NLRP5: variants seen among roughly 807,000 people sequenced by gnomAD.
NLRP5 encodes NLR family pyrin domain containing 5.
NLRP5 carries 93 observed loss-of-function variants against 113.1 expected under a neutral mutation model. That is an observed-to-expected ratio of 0.82 (90% CI 0.70 to 0.98). The LOEUF is 0.98. NLRP5 is among the 50% of genes least tolerant of loss of function. The pLI, the probability that NLRP5 is intolerant of heterozygous loss-of-function variation, is 0.00. For missense variants in NLRP5, 1,808 were observed against 1,514.3 expected, an observed-to-expected ratio of 1.19 and a Z score of -3.22; for synonymous variants, 751 against 600.7, an observed-to-expected ratio of 1.25 and a Z score of -3.66.
chr19:56,005,420 T>C (rs1981851428), intron 2 of NLRP5, among the ~76,000 whole-genome samples: 1 of 148,964 alleles, frequency 6.7e-6, no homozygotes, highest in Non-Finnish European at 1.5e-5. Flanking sequence ...TATATTTTTA[T>C]ATATACACAT....
intron 1 of NLRP5, among the ~76,000 whole-genome samples, chr19:56,002,098 C>T (rs1981677115): frequency 6.6e-6 from 1 of 152,116 alleles, no homozygotes; most frequent in Non-Finnish European, 1.5e-5. Flanking sequence ...TAGCAGAGGT[C>T]CTGGACGTGC....
At chr19:55,995,075 T>G (rs1213682885), upstream of NLRP5, among the ~76,000 whole-genome samples, 1 of 152,128 alleles carries the variant, frequency 6.6e-6, no homozygotes, top group Non-Finnish European at 1.5e-5. Context: ...TGGATGAAGC[T>G]GGAAACTATC....
chr19:56,038,213 T>G lies in NLRP5; in HGVS notation c.2786+18T>G, dbSNP rs1211779784. 1 of 1,581,716 alleles carries G rather than the reference T, an allele frequency of 6.3e-7. No individual in the cohort carries two copies. The highest frequency in any genetic ancestry group is 8.7e-7 in the Non-Finnish European group (1 of 1,155,884). ...AAGCTGATGTGAGTGCCACTTCCTT[T>G]CCACCAGGATTATCGTAACTTCCAC... On this transcript the variant is annotated intron_variant, in intron 10 of 14. Coordinates refer to ENST00000390649, the MANE Select transcript of NLRP5 (RefSeq NM_153447.4).
upstream of NLRP5, among the ~76,000 whole-genome samples, chr19:55,996,652 C>T (rs138073664): frequency 7.1e-3 from 1,088 of 152,254 alleles, 6 homozygotes; most frequent in Admixed American, 0.014. Context: ...CATGTCCCTA[C>T]AAGGACATGA....
At chr19:56,055,778 C>A (rs1380117063) in intron 13 of NLRP5, among the ~76,000 whole-genome samples, 1 of 151,874 alleles carries the variant, frequency 6.6e-6, no homozygotes, top group Non-Finnish European at 1.5e-5. Flanking sequence ...ATCTCCTGAC[C>A]TCATGATCTG....
intron 4 of NLRP5, chr19:56,018,597 C>T (rs560316087): frequency 1.1e-4 from 17 of 152,132 alleles, no homozygotes; most frequent in African/African-American, 1.7e-4. Flanking sequence ...AAATCCAATT[C>T]TTTTTTTAAG....
At chr19:56,014,751 T>C (rs1456679061) in intron 3 of NLRP5, among the ~76,000 whole-genome samples, 1 of 152,198 alleles carries the variant, frequency 6.6e-6, no homozygotes, top group Non-Finnish European at 1.5e-5. Context: ...TTTTAAACTT[T>C]CCAATCTATT....
At chr19:56,039,826 C>T (rs1458962669) in intron 10 of NLRP5, among the ~76,000 whole-genome samples, 1 of 151,936 alleles carries the variant, frequency 6.6e-6, no homozygotes, top group Non-Finnish European at 1.5e-5. Flanking sequence ...AGGCAGGAGA[C>T]TCACTTAAAC....
chr19:56,040,102 C>T (rs1983464337), intron 10 of NLRP5, among the ~76,000 whole-genome samples: 1 of 152,162 alleles, frequency 6.6e-6, no homozygotes, highest in South Asian at 2.1e-4. Context: ...ATGCATGTAC[C>T]ACCATGCCCG....
intron 10 of NLRP5, among the ~76,000 whole-genome samples, chr19:56,038,762 C>T (rs77169500): frequency 0.01 from 1,563 of 152,190 alleles, 23 homozygotes; most frequent in African/African-American, 0.035. Context: ...GAAGGGCCTC[C>T]GAGTGGAAAC....
intron 3 of NLRP5, among the ~76,000 whole-genome samples, chr19:56,014,828 T>G (rs926063981): frequency 1.3e-5 from 2 of 152,220 alleles, no homozygotes; most frequent in African/African-American, 2.4e-5. Context: ...CTTTATAGTT[T>G]TGAACTCAAA....
the NLRP5 span, among the ~76,000 whole-genome samples, chr19:55,991,354 C>A: frequency 0.094 from 14,253 of 151,724 alleles, 801 homozygotes; most frequent in African/African-American, 0.15. Context: ...TTAGAATTTT[C>A]TTGTCTAGTT....
At chr19:55,999,801 TAG>T (rs1568479004) in intron 1 of NLRP5, 4 of 1,608,692 alleles carry the variant, frequency 2.5e-6, no homozygotes, top group South Asian at 2.2e-5. Flanking sequence ...GACAGCCTCT[TAG>T]AGTTACCTAT....
intron 2 of NLRP5, among the ~76,000 whole-genome samples, chr19:56,004,402 C>A (rs1361091666): frequency 6.6e-6 from 1 of 152,160 alleles, no homozygotes; most frequent in Non-Finnish European, 1.5e-5. Context: ...GGTTGTGAGA[C>A]TTCGGGCATG....
At position 56,061,580 on chromosome 19, in the gene NLRP5, G is replaced by A. The variant is rs975858693; in HGVS notation, c.*52G>A. ...CCCATCTGATGGAGGAACTTTAAAC[G>A]CTGTTTTCTCAGAGCAAGCTATGCA... On this transcript the variant is annotated 3_prime_UTR_variant, in exon 15 of 15. Coordinates refer to ENST00000390649, the MANE Select transcript of NLRP5 (RefSeq NM_153447.4). 2.1e-5 allele frequency: 33 copies of A among 1,605,382 alleles called. No individual in the cohort carries two copies. The highest frequency in any genetic ancestry group is 8.9e-5 in the East Asian group (4 of 44,708).
chr19:56,037,556 G>A (rs1456831996), intron 9 of NLRP5, among the ~76,000 whole-genome samples: 2 of 151,546 alleles, frequency 1.3e-5, no homozygotes, highest in East Asian at 3.9e-4. Context: ...AGCCAGGTAT[G>A]GTGGTGGGCA....
intron 10 of NLRP5, among the ~76,000 whole-genome samples, chr19:56,038,532 C>G (rs1003006155): frequency 6.6e-6 from 1 of 152,110 alleles, no homozygotes. Flanking sequence ...TTGGCCCCAC[C>G]ACTGGAGAGG....
At chr19:56,028,936 TGTAATTTTA>T (rs1431005244) in intron 7 of NLRP5, among the ~76,000 whole-genome samples, 1 of 152,118 alleles carries the variant, frequency 6.6e-6, no homozygotes, top group Non-Finnish European at 1.5e-5. Context: ...AGCTAGTTTT[TGTAATTTTA>T]GTAGAGATGG....
rs745656161 is a variant in NLRP5, at chr19:56,040,987, G to A, written c.2852G>A (p.Arg951Gln). 40 of 1,613,854 alleles carry A rather than the reference G, an allele frequency of 2.5e-5. No homozygotes were observed. The highest frequency in any genetic ancestry group is 1.2e-4 in the South Asian group (11 of 91,086). Residue 951 changes from arginine (R) to glutamine (Q), a missense_variant, in exon 11 of 15, where the codon CGG becomes CAG. Arg to Gln is a conservative substitution (Grantham distance 43, BLOSUM62 1). Transcript: ENST00000390649. ...CTGGCCTCAGCCCTCGTCAGCAACCGGAGCTTGACACACCTGTGCCTATCC... is the reference window on the plus strand; with the variant it reads ...CTGGCCTCAGCCCTCGTCAGCAACCAGAGCTTGACACACCTGTGCCTATCC...
Sources: gnomAD v4.1 joint callset for allele counts (sites outside exome capture counted in the v4.1 genomes callset) on GRCh38, gnomAD v4.1.1 for gene constraint, MANE v1.5 for transcripts, NCBI Gene and HGNC (gene_info 2026-07-23, HGNC 2026-07-21) for gene names.